Variants in VOPP1 observed in about 807,000 individuals in gnomAD.
VOPP1 encodes the protein WW domain binding protein VOPP1.
Under a neutral mutation model 23.5 loss-of-function variants are expected in VOPP1, and 8 were observed. The ratio of observed to expected loss-of-function variants is 0.34; its 90% CI spans 0.20 to 0.61. The LOEUF (loss-of-function observed/expected upper bound fraction) is 0.61. Ranked by LOEUF, VOPP1 falls within the 20% of genes least tolerant of loss-of-function variation. VOPP1 has a pLI of 0.78. For synonymous variants in VOPP1, 83 were observed against 97.3 expected (o/e 0.85, Z 0.86); for missense variants, 174 against 238.1 (o/e 0.73, Z 1.77).
intron 4 of VOPP1, among the ~76,000 whole-genome samples, chr7:55,454,731 C>T (rs1791324171): frequency 6.6e-6 from 1 of 152,148 alleles, no homozygotes; most frequent in African/African-American, 2.4e-5. Context: ...CAGAAAAGGT[C>T]TTCGACAAAA....
At chr7:55,506,282 C>T (rs1000584663) in intron 2 of VOPP1, among the ~76,000 whole-genome samples, 2 of 152,212 alleles carry the variant, frequency 1.3e-5, no homozygotes, top group African/African-American at 2.4e-5. Context: ...CAGATGACAT[C>T]ACTGCCTCAC....
At chr7:55,445,463 A>C (rs1358683123) in intron 4 of VOPP1, among the ~76,000 whole-genome samples, 2 of 152,188 alleles carry the variant, frequency 1.3e-5, no homozygotes, top group African/African-American at 4.8e-5. Flanking sequence ...TGTTGCATCC[A>C]AGCCATATTC....
chr7:55,539,504 A>G (rs551276243), intron 1 of VOPP1: 2 of 152,354 alleles, frequency 1.3e-5, no homozygotes, highest in South Asian at 4.1e-4. Flanking sequence ...CATCCCAAAG[A>G]TTCAACCAAA....
chr7:55,492,495 C>A, intron 3 of VOPP1, 77 bp from the exon 4 acceptor site: 1 of 1,487,658 alleles, frequency 6.7e-7, no homozygotes, highest in East Asian at 2.4e-5. Context: ...TCAAAGGCCT[C>A]ATGCACTCCT....
intron 3 of VOPP1, among the ~76,000 whole-genome samples, chr7:55,495,831 C>G (rs1234019663): frequency 1.3e-5 from 2 of 152,256 alleles, no homozygotes; most frequent in Non-Finnish European, 2.9e-5. Flanking sequence ...ACAACGCCAG[C>G]TTGGAACCCT....
chr7:55,523,818 G>A (rs1796015895), intron 1 of VOPP1, among the ~76,000 whole-genome samples: 1 of 152,172 alleles, frequency 6.6e-6, no homozygotes, highest in Admixed American at 6.5e-5. Context: ...TAATGAAAAT[G>A]CTTACCCGTG....
intron 1 of VOPP1, chr7:55,552,907 T>C (rs1390338580): frequency 8.8e-7 from 1 of 1,138,616 alleles, no homozygotes; most frequent in Non-Finnish European, 1.2e-6. Context: ...AAGAAAAAAT[T>C]ATACGTGCTG....
At chr7:55,513,180 A>G (rs1253620858) in intron 2 of VOPP1, among the ~76,000 whole-genome samples, 1 of 148,902 alleles carries the variant, frequency 6.7e-6, no homozygotes, top group Non-Finnish European at 1.5e-5. Context: ...CCTGCTGGAT[A>G]AGCCCTGGAC....
intron 1 of VOPP1, chr7:55,537,705 A>G: frequency 7.0e-7 from 1 of 1,435,638 alleles, no homozygotes; most frequent in Non-Finnish European, 9.1e-7. Flanking sequence ...ACCATGGAGG[A>G]CGCTACAAGG....
chr7:55,462,584 A>G (rs1791527916), intron 4 of VOPP1, among the ~76,000 whole-genome samples: 1 of 151,034 alleles, frequency 6.6e-6, no homozygotes, highest in African/African-American at 2.4e-5. Flanking sequence ...GGTTATTTCA[A>G]AAGACCTGTC....
At chr7:55,529,147 A>C (rs1378938417) in intron 1 of VOPP1, among the ~76,000 whole-genome samples, 1 of 152,164 alleles carries the variant, frequency 6.6e-6, no homozygotes, top group Non-Finnish European at 1.5e-5. Context: ...TGGGAGGCCA[A>C]GGCTGGCGGA....
intron 2 of VOPP1, among the ~76,000 whole-genome samples, chr7:55,516,793 T>C (rs1795438565): frequency 6.6e-6 from 1 of 151,688 alleles, no homozygotes; most frequent in African/African-American, 2.4e-5. Context: ...GGACACCACC[T>C]TGAGTCAACA....
At chr7:55,468,196 G>A (rs1024849062), downstream of VOPP1, among the ~76,000 whole-genome samples, 10 of 151,596 alleles carry the variant, frequency 6.6e-5, no homozygotes, top group African/African-American at 1.7e-4. Context: ...CCTTGAACCC[G>A]GGAGGAGGAG....
At chr7:55,450,610 G>GATTT (rs565608221) in intron 4 of VOPP1, among the ~76,000 whole-genome samples, 1,795 of 152,220 alleles carry the variant, frequency 0.012, 13 homozygotes, top group Admixed American at 0.021. Context: ...TAATTTTTTT[G>GATTT]ATTAATCTTT....
chr7:55,436,238 G>A (rs1370943552), intron 4 of VOPP1: 1 of 152,216 alleles, frequency 6.6e-6, no homozygotes, highest in Non-Finnish European at 1.5e-5. Flanking sequence ...TGTGTGTTAA[G>A]AGCAGAGACT....
chr7:55,489,029 C>A, intron 4 of VOPP1, among the ~76,000 whole-genome samples: 1 of 152,266 alleles, frequency 6.6e-6, no homozygotes, highest in East Asian at 1.9e-4. Flanking sequence ...CAGACAGCTG[C>A]AGCAGGGTGA....
intron 4 of VOPP1, among the ~76,000 whole-genome samples, chr7:55,476,790 C>A (rs1792291039): frequency 6.6e-6 from 1 of 152,182 alleles, no homozygotes; most frequent in Non-Finnish European, 1.5e-5. Flanking sequence ...CTCGTTCCTG[C>A]CACCCAAGCT....
At chr7:55,443,422 C>T (rs921549149) in intron 4 of VOPP1, among the ~76,000 whole-genome samples, 44 of 151,724 alleles carry the variant, frequency 2.9e-4, no homozygotes, top group African/African-American at 8.0e-4. Context: ...GGCGTGGTGG[C>T]GGGCGCCTGT....
chr7:55,564,452 T>A (rs1003351375), intron 1 of VOPP1, among the ~76,000 whole-genome samples: 6 of 152,048 alleles, frequency 3.9e-5, no homozygotes, highest in African/African-American at 1.4e-4. Flanking sequence ...GTATTAAAAG[T>A]CAAGCTGTCA....
Sources: gnomAD v4.1 joint callset for allele counts (sites outside exome capture counted in the v4.1 genomes callset) on GRCh38, gnomAD v4.1.1 for gene constraint, MANE v1.5 for transcripts, NCBI Gene and HGNC (gene_info 2026-07-23, HGNC 2026-07-21) for gene names.